Variants in ROR1 observed in about 807,000 individuals in gnomAD.
The protein encoded by ROR1 is inactive tyrosine-protein kinase transmembrane receptor ROR1.
ROR1 carries 19 observed loss-of-function variants against 78.8 expected under a neutral mutation model. That is an observed-to-expected ratio of 0.24 (90% CI 0.17 to 0.35). The LOEUF is 0.35. Among genes scored for constraint, ROR1 ranks in the 10% least tolerant of loss-of-function variants. The probability of loss-of-function intolerance (pLI) is 1.00; values close to 1 mark genes in which losing one functional copy is unlikely to be tolerated. For missense variants in ROR1, 917 were observed against 1,177.8 expected (o/e 0.78, Z 3.24); for synonymous variants, 386 against 433.6 (o/e 0.89, Z 1.36).
chr1:64,135,724 A>T (rs1373844991), intron 4 of ROR1, among the ~76,000 whole-genome samples: 2 of 152,196 alleles, frequency 1.3e-5, no homozygotes, highest in African/African-American at 4.8e-5. Context: ...TGCTTGCAGG[A>T]TTGTGCAACA....
rs376101190 is a variant in ROR1, at chr1:64,027,739, A to G, written c.163+18363A>G. Among the ~76,000 whole-genome samples, 25 of 151,690 alleles carry G rather than the reference A, an allele frequency of 1.6e-4. 1 individual carries two copies. The highest frequency in any genetic ancestry group is 4.8e-4 in the African/African-American group (20 of 41,328). On this transcript the variant is annotated intron_variant, in intron 2 of 8. Coordinates refer to ENST00000371079, the MANE Select transcript of ROR1 (RefSeq NM_005012.4). Reference sequence around the variant, plus strand: ...AGTCTCACTCTGTTGCCAGGCTGGAATGCAGTGGCTTGGTCTCAGCTCACT... The same window carrying G: ...AGTCTCACTCTGTTGCCAGGCTGGAGTGCAGTGGCTTGGTCTCAGCTCACT...
intron 4 of ROR1, among the ~76,000 whole-genome samples, chr1:64,062,299 GT>G: frequency 6.6e-6 from 1 of 152,046 alleles, no homozygotes; most frequent in Middle Eastern, 3.4e-3. Flanking sequence ...GTTTTTTGTT[GT>G]TTTTGTTGTT....
chr1:63,912,690 G>C (rs949474249), intron 1 of ROR1, among the ~76,000 whole-genome samples: 2 of 152,268 alleles, frequency 1.3e-5, no homozygotes, highest in African/African-American at 4.8e-5. Context: ...TAAGAGGCTG[G>C]GTTGCCTTGT....
chr1:64,036,124 A>T (rs1476867192), intron 2 of ROR1, among the ~76,000 whole-genome samples: 1 of 152,220 alleles, frequency 6.6e-6, no homozygotes, highest in Non-Finnish European at 1.5e-5. Flanking sequence ...AGATATGGAA[A>T]CTGAAGACTA....
intron 2 of ROR1, among the ~76,000 whole-genome samples, chr1:64,045,703 G>C (rs1325141276): frequency 6.6e-6 from 1 of 152,140 alleles, no homozygotes; most frequent in Admixed American, 6.5e-5. Flanking sequence ...CTGTCATGAT[G>C]ATAAATACCA....
chr1:64,108,081 T>A (rs1223118335), intron 4 of ROR1, among the ~76,000 whole-genome samples: 1 of 151,456 alleles, frequency 6.6e-6, no homozygotes, highest in Non-Finnish European at 1.5e-5. Flanking sequence ...TGTGTGTGTG[T>A]GTGTGTGTGT....
chr1:64,044,608 G>T (rs1039487120), intron 2 of ROR1, among the ~76,000 whole-genome samples: 2 of 152,066 alleles, frequency 1.3e-5, no homozygotes, highest in South Asian at 4.1e-4. Context: ...GGCAGTATAC[G>T]TAAAGTACTC....
intron 4 of ROR1, among the ~76,000 whole-genome samples, chr1:64,126,481 C>G (rs910845309): frequency 6.6e-6 from 1 of 152,100 alleles, no homozygotes; most frequent in African/African-American, 2.4e-5. Context: ...TTAGGAGACT[C>G]CTGCAGCCAT....
chr1:63,849,512 A>G (rs1448849107), intron 1 of ROR1, among the ~76,000 whole-genome samples: 1 of 152,250 alleles, frequency 6.6e-6, no homozygotes. Flanking sequence ...AGCCTTGGCA[A>G]CATAGTGACA....
At chr1:63,968,842 T>C (rs140369626) in intron 1 of ROR1, among the ~76,000 whole-genome samples, 1 of 152,318 alleles carries the variant, frequency 6.6e-6, no homozygotes, top group African/African-American at 2.4e-5. Context: ...TATGTCTAAA[T>C]GTGCAGGAAT....
intron 4 of ROR1, among the ~76,000 whole-genome samples, chr1:64,125,842 T>C (rs1648694979): frequency 6.6e-6 from 1 of 152,176 alleles, no homozygotes; most frequent in South Asian, 2.1e-4. Context: ...AGTGCGCTTT[T>C]ATAAACATTT....
At chr1:63,964,685 G>T (rs938130164) in intron 1 of ROR1, among the ~76,000 whole-genome samples, 7 of 152,162 alleles carry the variant, frequency 4.6e-5, no homozygotes, top group Non-Finnish European at 1.0e-4. Context: ...AATTAGTTGG[G>T]CTTTTCAAAG....
chr1:64,121,738 C>G (rs1648550539), intron 4 of ROR1, among the ~76,000 whole-genome samples: 1 of 152,128 alleles, frequency 6.6e-6, no homozygotes, highest in Non-Finnish European at 1.5e-5. Context: ...GTTGCCCAGC[C>G]CTTGGTACAC....
chr1:63,943,492 C>A (rs1043946190), intron 1 of ROR1, among the ~76,000 whole-genome samples: 1 of 152,188 alleles, frequency 6.6e-6, no homozygotes, highest in African/African-American at 2.4e-5. Context: ...CTCCACTGGT[C>A]CCTCACCAGT....
chr1:64,132,686 G>A (rs923310688), intron 4 of ROR1, among the ~76,000 whole-genome samples: 1 of 149,744 alleles, frequency 6.7e-6, no homozygotes, highest in African/African-American at 2.5e-5. Flanking sequence ...CTTGAACCCA[G>A]GAGGTGGAGG....
At chr1:64,151,692 G>A (rs184723947) in intron 7 of ROR1, among the ~76,000 whole-genome samples, 56 of 145,990 alleles carry the variant, frequency 3.8e-4, no homozygotes, top group South Asian at 9.2e-4. Context: ...GGCCAACATG[G>A]TGAAACCCCA....
intron 1 of ROR1, among the ~76,000 whole-genome samples, chr1:63,875,879 G>A (rs1401973411): frequency 2.0e-5 from 3 of 152,184 alleles, no homozygotes; most frequent in Non-Finnish European, 4.4e-5. Context: ...AGGTGGGTAA[G>A]CAATCAGGTG....
intron 1 of ROR1, among the ~76,000 whole-genome samples, chr1:63,872,451 G>A (rs17125697): frequency 0.019 from 2,930 of 152,098 alleles, 72 homozygotes; most frequent in East Asian, 0.043. Flanking sequence ...CTGCAACATG[G>A]GGTTGGTAGT....
chr1:64,103,208 A>G (rs1647639009), intron 4 of ROR1, among the ~76,000 whole-genome samples: 1 of 152,202 alleles, frequency 6.6e-6, no homozygotes, highest in African/African-American at 2.4e-5. Context: ...TTGGTTCCAT[A>G]TGAACTTTAA....
Sources: gnomAD v4.1 joint callset for allele counts (sites outside exome capture counted in the v4.1 genomes callset) on GRCh38, gnomAD v4.1.1 for gene constraint, MANE v1.5 for transcripts, NCBI Gene and HGNC (gene_info 2026-07-23, HGNC 2026-07-21) for gene names.